The following RIT2 variants were observed in gnomAD, a reference collection of about 807,000 sequenced individuals.
The protein encoded by RIT2 is GTP-binding protein Rit2.
RIT2 carries 24 observed loss-of-function variants against 23.7 expected under a neutral mutation model. The ratio of observed to expected loss-of-function variants is 1.01; its 90% CI spans 0.73 to 1.43. The LOEUF is 1.43. RIT2 is among the 40% of genes most tolerant of loss of function. RIT2 has a pLI of 0.00. For synonymous variants in RIT2, 107 were observed against 91.1 expected (o/e 1.17, Z -0.99); for missense variants, 236 against 266.9 (o/e 0.88, Z 0.81).
intron 1 of RIT2, among the ~76,000 whole-genome samples, chr18:43,093,455 A>G (rs910828694): frequency 2.0e-5 from 3 of 152,044 alleles, no homozygotes; most frequent in African/African-American, 7.2e-5. Flanking sequence ...AATGTTTATT[A>G]CTATCAGCAA....
At chr18:42,855,106 G>A (rs552180194) in intron 4 of RIT2, among the ~76,000 whole-genome samples, 1 of 152,268 alleles carries the variant, frequency 6.6e-6, no homozygotes, top group East Asian at 1.9e-4. Context: ...TATATTATAA[G>A]TGTTCTCATT....
At chr18:42,822,071 G>T (rs1473073556) in intron 4 of RIT2, among the ~76,000 whole-genome samples, 1 of 152,120 alleles carries the variant, frequency 6.6e-6, no homozygotes, top group African/African-American at 2.4e-5. Context: ...TAGGAATTAG[G>T]TAAGGCAGGA....
At chr18:42,835,920 C>A (rs1906591413) in intron 4 of RIT2, among the ~76,000 whole-genome samples, 1 of 152,054 alleles carries the variant, frequency 6.6e-6, no homozygotes. Flanking sequence ...AATAACAATG[C>A]ATTTATTTGT....
intron 4 of RIT2, among the ~76,000 whole-genome samples, chr18:42,866,958 T>C (rs970894494): frequency 2.0e-5 from 3 of 152,192 alleles, no homozygotes; most frequent in African/African-American, 7.2e-5. Context: ...TAATTGAATC[T>C]CCTGCTTTAA....
chr18:42,987,627 A>C (rs775263403), intron 2 of RIT2, among the ~76,000 whole-genome samples: 4 of 152,226 alleles, frequency 2.6e-5, no homozygotes, highest in African/African-American at 4.8e-5. Context: ...ACCATTATTC[A>C]TACCATCCCT....
intron 1 of RIT2, among the ~76,000 whole-genome samples, chr18:43,098,742 C>A (rs1021070961): frequency 2.0e-5 from 3 of 151,996 alleles, no homozygotes; most frequent in Non-Finnish European, 4.4e-5. Context: ...ACTGTACTAT[C>A]AACCCCATTT....
rs550807238 is a variant in RIT2 at position 42,828,108 on chromosome 18, A to G, written c.427-84388T>C. 1.1e-4 allele frequency among the ~76,000 whole-genome samples: 16 copies of G among 152,194 alleles called. No homozygotes were observed. In the South Asian group the frequency reaches 3.1e-3, roughly 30 times the overall value. On this transcript the variant is annotated intron_variant, in intron 4 of 4. Transcript: ENST00000326695. ...GAAAACAAAAGGAAGAAGTTTGACA[A>G]TCGTAAGTGCTGACAAGGATATGCA...
At chr18:42,880,956 C>T (rs538544426) in intron 4 of RIT2, among the ~76,000 whole-genome samples, 5 of 151,952 alleles carry the variant, frequency 3.3e-5, no homozygotes, top group Admixed American at 6.6e-5. Context: ...TACAGACATG[C>T]GCCACCATGC....
At chr18:43,111,738 T>C (rs1913958983) in intron 1 of RIT2, among the ~76,000 whole-genome samples, 1 of 152,162 alleles carries the variant, frequency 6.6e-6, no homozygotes, top group Admixed American at 6.6e-5. Context: ...ATCTGTTACT[T>C]TGTATGGTGC....
chr18:42,900,829 C>T (rs1790571), intron 4 of RIT2, among the ~76,000 whole-genome samples: 143,004 of 152,168 alleles, frequency 0.94, 67,213 homozygotes, highest in East Asian at 1. Flanking sequence ...TAGTAAGAGA[C>T]GGAATCAGAA....
chr18:43,003,761 G>GAC lies in RIT2; in HGVS notation c.161-29616_161-29615dup, dbSNP rs56860348. ...CATTACTTTTTTTTTCCTCCTCAGT[G>GAC]ACACACACACACACACACACACACA... On this transcript the variant is annotated intron_variant, in intron 2 of 4. Coordinates refer to ENST00000326695, the MANE Select transcript of RIT2 (RefSeq NM_002930.4). Among the ~76,000 whole-genome samples the GAC allele has an allele frequency of 4.1e-3, 527 of 129,570 alleles. 7 individuals carry two copies. Among genetic ancestry groups the GAC allele is most frequent in the South Asian group, 0.016 (55 of 3,456 alleles). The allele number at this position is 129,570 out of a possible 152,430, so 85.0% of individuals were successfully genotyped here. A position where few individuals can be genotyped will look rare whatever the true frequency, so the allele number is the denominator to read the frequency against.
intron 2 of RIT2, among the ~76,000 whole-genome samples, chr18:42,992,872 A>G (rs1269022435): frequency 6.6e-6 from 1 of 152,178 alleles, no homozygotes; most frequent in Non-Finnish European, 1.5e-5. Context: ...CTGAAAGGTC[A>G]GAAGGCCGTT....
rs141093670 is a variant in RIT2 at position 42,927,559 on chromosome 18, G to C, written c.235-3796C>G. ...ATGTTGCTTCCGTCTTCATTCACCTGTGAATTAAAGATCCCTATACTTTCT... is the reference window on the plus strand; with the variant it reads ...ATGTTGCTTCCGTCTTCATTCACCTCTGAATTAAAGATCCCTATACTTTCT... On this transcript the variant is annotated intron_variant, in intron 3 of 4. Coordinates refer to ENST00000326695, the MANE Select transcript of RIT2 (RefSeq NM_002930.4). Among the ~76,000 whole-genome samples, 916 of 151,964 alleles carry C rather than the reference G, an allele frequency of 6.0e-3. 9 individuals are homozygous for C. Among genetic ancestry groups the C allele is most frequent in the African/African-American group, 0.021 (882 of 41,480 alleles).
intron 4 of RIT2, among the ~76,000 whole-genome samples, chr18:42,795,656 G>C (rs600534): frequency 0.98 from 149,350 of 152,346 alleles, 73,278 homozygotes; most frequent in East Asian, 1. Context: ...CCTGCAGCCC[G>C]GGTGCGGGAT....
chr18:42,923,914 A>G, intron 3 of RIT2, 151 bp from the exon 4 acceptor site: 1 of 645,698 alleles, frequency 1.5e-6, no homozygotes, highest in South Asian at 3.0e-5. Flanking sequence ...GAGATCTTAG[A>G]AAAACATATT....
chr18:43,073,976 C>T (rs780033561), intron 1 of RIT2, among the ~76,000 whole-genome samples: 5 of 152,022 alleles, frequency 3.3e-5, no homozygotes, highest in Admixed American at 1.3e-4. Flanking sequence ...GTGGGAGGAA[C>T]AGGTGGATTC....
At chr18:42,856,024 C>T (rs1907172414) in intron 4 of RIT2, among the ~76,000 whole-genome samples, 1 of 151,318 alleles carries the variant, frequency 6.6e-6, no homozygotes, top group Admixed American at 6.6e-5. Context: ...TTTTATTTGA[C>T]TTTCTTCTGC....
At chr18:42,873,235 G>T (rs1370353131) in intron 4 of RIT2, among the ~76,000 whole-genome samples, 1 of 152,124 alleles carries the variant, frequency 6.6e-6, no homozygotes, top group Non-Finnish European at 1.5e-5. Flanking sequence ...CTATTAAAAT[G>T]TAACTATATT....
chr18:42,904,350 C>T (rs754001302), intron 4 of RIT2, among the ~76,000 whole-genome samples: 5 of 152,062 alleles, frequency 3.3e-5, no homozygotes, highest in African/African-American at 7.2e-5. Flanking sequence ...GGACAGATGC[C>T]GGCCATGACA....
Sources: allele counts gnomAD v4.1 joint callset (sites outside exome capture counted in the v4.1 genomes callset), GRCh38; gene constraint gnomAD v4.1.1; transcripts MANE v1.5; gene names NCBI Gene and HGNC (gene_info 2026-07-23, HGNC 2026-07-21).